Variants in CLEC12A observed in about 807,000 individuals in gnomAD.
CLEC12A encodes C-type lectin domain family 12 member A.
In CLEC12A, 22 loss-of-function variants were observed where a neutral mutation model predicts 26.5. The ratio of observed to expected loss-of-function variants is 0.83; its 90% confidence interval spans 0.59 to 1.19. The LOEUF (loss-of-function observed/expected upper bound fraction) is 1.19. CLEC12A is among the 50% of genes most tolerant of loss of function. The pLI is 0.00. For missense variants in CLEC12A, 353 were observed against 315.6 expected, an observed-to-expected ratio of 1.12 and a Z score of -0.90; for synonymous variants, 119 against 101.9, an observed-to-expected ratio of 1.17 and a Z score of -1.01.
rs150186745 is a variant in CLEC12A at position 9,995,328 on chromosome 12, T to C, written n.1315T>C. Reference sequence around the variant, plus strand: ...ATAGACAAAGCTTCATGATAAGACGTTGGACAAAAAATGTTGGATTACATG... The same window carrying C: ...ATAGACAAAGCTTCATGATAAGACGCTGGACAAAAAATGTTGGATTACATG... On this transcript the variant is annotated non_coding_transcript_exon_variant, in exon 5 of 5. Transcript: ENST00000449959. The C allele has an allele frequency of 1.7e-4, 197 of 1,178,628 alleles. No individual in the cohort carries two copies. The African/African-American group carries it at 2.3e-3, about 14-fold the overall frequency. The allele number at this position is 1,178,628 out of a possible 1,614,324, so 73.0% of individuals were successfully genotyped here.
At chr12:9,990,072 T>C (rs1864858246), downstream of CLEC12A, among the ~76,000 whole-genome samples, 1 of 152,030 alleles carries the variant, frequency 6.6e-6, no homozygotes, top group African/African-American at 2.4e-5. Flanking sequence ...ATATTACAGC[T>C]CATTGACAAT....
intron 5 of CLEC12A, among the ~76,000 whole-genome samples, chr12:9,982,771 C>T (rs895335757): frequency 5.9e-5 from 9 of 152,064 alleles, no homozygotes; most frequent in African/African-American, 2.2e-4. Flanking sequence ...CAGGTAATTT[C>T]TCATTCTTTA....
At chr12:9,966,292 G>T (rs1424302259) in intron 1 of CLEC12A, among the ~76,000 whole-genome samples, 2 of 152,210 alleles carry the variant, frequency 1.3e-5, no homozygotes, top group Admixed American at 6.5e-5. Context: ...GTCTGTGATG[G>T]TCCTGTAGGC....
downstream of CLEC12A, chr12:9,999,038 G>T: frequency 6.4e-7 from 1 of 1,574,342 alleles, no homozygotes; most frequent in Non-Finnish European, 8.7e-7. Context: ...CATTCTTACC[G>T]GAGATGAGAG....
At chr12:9,971,188 G>T (rs193214822), upstream of CLEC12A, among the ~76,000 whole-genome samples, 720 of 152,180 alleles carry the variant, frequency 4.7e-3, 7 homozygotes, top group South Asian at 0.029. Flanking sequence ...CTGCTTGAAA[G>T]TTTTTCACCA....
At position 9,954,452 on chromosome 12, in the gene CLEC12A, A is replaced by T. The variant is rs967834885; in HGVS notation, c.10+3096A>T. On this transcript the variant is annotated intron_variant, in intron 1 of 6. Transcript: ENST00000355690. ...TGAGGCTGCAGTGAGCCTTGATCAC[A>T]CCACTGCACTTCCAGCCTGGGTGAC... 9.2e-5 allele frequency among the ~76,000 whole-genome samples: 14 copies of T among 152,212 alleles called. No individual in the cohort carries two copies. In the South Asian group the frequency reaches 1.0e-3, roughly 11 times the overall value.
At chr12:9,998,564 T>C (rs7980696), downstream of CLEC12A, among the ~76,000 whole-genome samples, 14,712 of 75,222 alleles carry the variant, frequency 0.2, 3,599 homozygotes, top group Middle Eastern at 0.28. Context: ...CCCTATACCA[T>C]ACATCCATTC....
intron 1 of CLEC12A, among the ~76,000 whole-genome samples, chr12:9,962,127 C>T (rs555490371): frequency 2.6e-5 from 4 of 152,274 alleles, no homozygotes; most frequent in South Asian, 2.1e-4. Context: ...TAATGGCTTC[C>T]GGCAGTAGCT....
intron 1 of CLEC12A, among the ~76,000 whole-genome samples, chr12:9,974,443 C>A (rs1864252253): frequency 6.6e-6 from 1 of 152,154 alleles, no homozygotes; most frequent in Admixed American, 6.6e-5. Flanking sequence ...TTCCCTGAAT[C>A]TCAAGACTAG....
intron 5 of CLEC12A, chr12:9,983,880 T>C (rs765406668): frequency 2.2e-4 from 53 of 235,872 alleles, no homozygotes; most frequent in Non-Finnish European, 4.1e-4. Flanking sequence ...TGGAGAAGGA[T>C]ATATATTTCA....
chr12:9,972,221 A>G (rs928854475), intron 1 of CLEC12A, among the ~76,000 whole-genome samples: 2 of 152,190 alleles, frequency 1.3e-5, no homozygotes, highest in African/African-American at 2.4e-5. Flanking sequence ...GTTAAGTTAA[A>G]TGAAATGAAT....
chr12:10,002,011 C>CATGAGGGATTGACAACAATGAGAATT, the CLEC12A span, among the ~76,000 whole-genome samples: 1 of 151,424 alleles, frequency 6.6e-6, no homozygotes, highest in Non-Finnish European at 1.5e-5. Flanking sequence ...TCCCGAGTAG[C>CATGAGGGATTGACAACAATGAGAATT]TGGGAGTACA....
At chr12:9,964,911 AG>A (rs1428787989) in intron 1 of CLEC12A, among the ~76,000 whole-genome samples, 2 of 152,160 alleles carry the variant, frequency 1.3e-5, no homozygotes, top group Non-Finnish European at 2.9e-5. Flanking sequence ...ATACAGTCAT[AG>A]GGGTCAGGTG....
rs1247889449 is a variant in CLEC12A, at chr12:9,954,236, A to T, written c.10+2880A>T. ...AAAAAAAAAAAAAAAAAAAAAAATC[A>T]AACTGTCAGCTGGGCGCAAGAAACT... On this transcript the variant is annotated intron_variant, in intron 1 of 6. Coordinates refer to the CLEC12A transcript ENST00000355690. Among the ~76,000 whole-genome samples the T allele has an allele frequency of 2.7e-5, 4 of 148,730 alleles. No individual in the cohort carries two copies. The East Asian group carries it at 7.8e-4, about 29-fold the overall frequency.
At position 9,984,906 on chromosome 12, in the gene CLEC12A, T is replaced by C. The variant is rs767432213; in HGVS notation, c.678T>C (p.Tyr226=). ...ACGCACCTGACTTAAATAACATGTA[T>C]TGTGGATATATAAATAGACTATATG... ...IRNAPDLNNM[Y]CGYINRLYVQ... The change falls in exon 6 of 6, where the codon TAT becomes TAC. Residue 226 remains tyrosine (Y), a synonymous_variant. Coordinates refer to ENST00000304361, the MANE Select transcript of CLEC12A (RefSeq NM_138337.6). 5.1e-6 allele frequency: 8 copies of C among 1,576,832 alleles called. No homozygotes were observed. In the Admixed American group the frequency reaches 7.1e-5, roughly 14 times the overall value.
chr12:10,002,024 C>G, the CLEC12A span, among the ~76,000 whole-genome samples: 1 of 151,830 alleles, frequency 6.6e-6, no homozygotes, highest in African/African-American at 2.4e-5. Context: ...GGAGTACAGG[C>G]GCCCACCACC....
chr12:9,969,832 C>A (rs541992484), upstream of CLEC12A, among the ~76,000 whole-genome samples: 1 of 152,326 alleles, frequency 6.6e-6, no homozygotes, highest in African/African-American at 2.4e-5. Context: ...CATATTTGAA[C>A]AAGGCAACCA....
intron 1 of CLEC12A, among the ~76,000 whole-genome samples, chr12:9,972,410 C>G (rs1864165263): frequency 6.6e-6 from 1 of 151,996 alleles, no homozygotes; most frequent in African/African-American, 2.4e-5. Flanking sequence ...TCATCTTACT[C>G]AGAATCCTAT....
chr12:10,002,090 T>C, the CLEC12A span, among the ~76,000 whole-genome samples: 10 of 151,944 alleles, frequency 6.6e-5, no homozygotes, highest in Non-Finnish European at 8.8e-5. Context: ...ACCGTGTTAG[T>C]CAGGATGGTC....
Sources: gnomAD v4.1 joint callset for allele counts (sites outside exome capture counted in the v4.1 genomes callset) on GRCh38, gnomAD v4.1.1 for gene constraint, MANE v1.5 for transcripts, NCBI Gene and HGNC (gene_info 2026-07-23, HGNC 2026-07-21) for gene names.